The following SPARC variants were observed in gnomAD, a reference collection of about 807,000 sequenced individuals.
SPARC encodes the protein basement-membrane protein 40.
A neutral mutation model predicts 37.7 loss-of-function variants in SPARC; 23 were observed. The observed-to-expected ratio is 0.61, with a 90% CI of 0.44 to 0.87. The LOEUF (loss-of-function observed/expected upper bound fraction) is 0.87, where lower values mean the gene tolerates loss of function less well. SPARC is among the 40% of genes least tolerant of loss of function. The pLI is 0.00. For synonymous variants in SPARC, 155 were observed against 150.8 expected, an observed-to-expected ratio of 1.03 and a Z score of -0.20; for missense variants, 312 against 389.0, an observed-to-expected ratio of 0.80 and a Z score of 1.66.
chr5:151,676,136 G>A lies in SPARC; in HGVS notation c.53C>T (p.Ala18Val). 2 of 1,611,206 alleles carry A rather than the reference G, an allele frequency of 1.2e-6. No homozygotes were observed. The highest frequency in any genetic ancestry group is 8.5e-7 in the Non-Finnish European group (1 of 1,178,884). ...ACATGATATTTAGGTACTTACAGGG[G>A]CTGCCAAGGCCCTCCCGGCCAGGCA... ...LLCLAGRALA[A>V]PQQEALPDET... is the part of the protein sequence containing the mutation. The change falls in exon 2 of 10, where the codon GCC (alanine) becomes GTC (valine). Residue 18 changes from alanine to valine, a missense_variant. Ala to Val is a moderately conservative substitution (Grantham distance 64, BLOSUM62 0). Transcript: ENST00000231061.
intron 3 of SPARC, among the ~76,000 whole-genome samples, chr5:151,674,093 C>A (rs1271499429): frequency 2.0e-5 from 3 of 151,856 alleles, no homozygotes; most frequent in Admixed American, 6.6e-5. Context: ...CTAACTGCAA[C>A]CTCCACCTCC....
intron 2 of SPARC, 113 bp from the exon 3 acceptor site, chr5:151,674,787 G>A: frequency 1.0e-6 from 1 of 986,886 alleles, no homozygotes; most frequent in Non-Finnish European, 1.6e-6. Context: ...CAGCTTACTG[G>A]AGATCCCCAA....
At chr5:151,681,962 A>AG (rs1391046829) in intron 1 of SPARC, among the ~76,000 whole-genome samples, 2 of 152,222 alleles carry the variant, frequency 1.3e-5, no homozygotes, top group African/African-American at 4.8e-5. Flanking sequence ...TCCTACACAC[A>AG]GGGACATTCC....
At position 151,681,080 on chromosome 5, in the gene SPARC, T is replaced by C. The variant is rs559901885; in HGVS notation, c.-13-4879A>G. 2.3e-3 allele frequency among the ~76,000 whole-genome samples: 356 copies of C among 152,324 alleles called. 1 individual carries two copies. Among genetic ancestry groups the C allele is most frequent in the Middle Eastern group, 6.8e-3 (2 of 294 alleles). On this transcript the variant is annotated intron_variant, in intron 1 of 9. Coordinates refer to ENST00000231061, the MANE Select transcript of SPARC (RefSeq NM_003118.4). ...TACCAGCCAAGCATCTCACTCTCAC[T>C]ATTTGGCTTGGAAACAAGGGCTCCA... is the stretch of plus-strand genomic sequence containing the variant.
At position 151,663,132 on chromosome 5, in the gene SPARC, C is replaced by T; in HGVS notation, c.*439G>A. 1 of 165,098 alleles carries T rather than the reference C, an allele frequency of 6.1e-6. No individual in the cohort carries two copies. The highest frequency in any genetic ancestry group is 1.3e-5 in the Non-Finnish European group (1 of 76,360). 10.2% of individuals were successfully genotyped at this position (165,098 alleles called of 1,614,324 possible). ...ATCGTGTGTCTGTTACTTCCCTTTGCCCACCTCCAGGCCACCTGGGGAAGC... is the reference window on the plus strand; with the variant it reads ...ATCGTGTGTCTGTTACTTCCCTTTGTCCACCTCCAGGCCACCTGGGGAAGC... On this transcript the variant is annotated 3_prime_UTR_variant, in exon 10 of 10. Coordinates refer to ENST00000231061, the MANE Select transcript of SPARC (RefSeq NM_003118.4).
At chr5:151,683,592 TTATGTTTGACTGTGCA>T (rs1224831262) in intron 1 of SPARC, among the ~76,000 whole-genome samples, 5 of 152,342 alleles carry the variant, frequency 3.3e-5, no homozygotes, top group East Asian at 1.9e-4. Flanking sequence ...ATGATCCATA[TTATGTTTGACTGTGCA>T]TATGTTTGAC....
chr5:151,663,693 G>T (rs1760562968), intron 9 of SPARC, 94 bp from the exon 10 acceptor site: 2 of 1,299,348 alleles, frequency 1.5e-6, no homozygotes, highest in African/African-American at 1.5e-5. Flanking sequence ...CATCCCCAGG[G>T]GCAGGGGTCT....
intron 1 of SPARC, chr5:151,679,064 C>T (rs1476977376): frequency 6.6e-6 from 1 of 152,232 alleles, no homozygotes; most frequent in Non-Finnish European, 1.5e-5. Context: ...CCCCAGCATT[C>T]AGAACTCACA....
intron 5 of SPARC, among the ~76,000 whole-genome samples, chr5:151,670,920 T>G (rs923137060): frequency 1.3e-5 from 2 of 152,056 alleles, no homozygotes; most frequent in African/African-American, 4.8e-5. Context: ...TGGGAGGCTG[T>G]AGGAATAGTG....
chr5:151,664,379 C>T (rs1465869539), intron 8 of SPARC, 144 bp from the exon 9 acceptor site: 2 of 718,760 alleles, frequency 2.8e-6, no homozygotes, highest in East Asian at 5.4e-5. Flanking sequence ...CCCAGGTCTA[C>T]CCCTAGCTCT....
intron 2 of SPARC, among the ~76,000 whole-genome samples, chr5:151,675,631 A>G (rs73277830): frequency 1.5e-3 from 226 of 152,266 alleles, no homozygotes; most frequent in African/African-American, 5.2e-3. Context: ...GCCCTTTTCC[A>G]GTCCTCCCCA....
intron 4 of SPARC, among the ~76,000 whole-genome samples, chr5:151,672,060 A>C (rs1284081365): frequency 6.6e-6 from 1 of 152,210 alleles, no homozygotes; most frequent in Non-Finnish European, 1.5e-5. Context: ...TTCCAGAATA[A>C]GCTTTCTAGA....
At chr5:151,680,824 G>A (rs944659945) in intron 1 of SPARC, among the ~76,000 whole-genome samples, 1 of 152,198 alleles carries the variant, frequency 6.6e-6, no homozygotes, top group African/African-American at 2.4e-5. Context: ...AAATAAAGAG[G>A]TAAGCAATGT....
intron 3 of SPARC, among the ~76,000 whole-genome samples, chr5:151,673,966 CTGTGTGTGTGTGTGTGTGTGTGTGTG>C (rs3138755): frequency 7.1e-6 from 1 of 141,756 alleles, no homozygotes; most frequent in African/African-American, 2.6e-5. Context: ...CCCCTTTCCT[CTGTGTGTGTGTGTGTGTGTGTGTGTG>C]TGTGTGTGTG....
At chr5:151,679,691 C>G (rs1459949094) in intron 1 of SPARC, 1 of 152,324 alleles carries the variant, frequency 6.6e-6, no homozygotes, top group Non-Finnish European at 1.5e-5. Context: ...CCAGCAGGAC[C>G]TGAAGCTGAG....
intron 8 of SPARC, 141 bp from the exon 9 acceptor site, chr5:151,664,376 C>G (rs1561915633): frequency 2.8e-6 from 2 of 726,808 alleles, no homozygotes; most frequent in Non-Finnish European, 4.6e-6. Context: ...AATCCCAGGT[C>G]TACCCCTAGC....
chr5:151,667,432 A>T (rs1760648584), intron 7 of SPARC, 35 bp downstream of exon 7: 10 of 1,613,670 alleles, frequency 6.2e-6, no homozygotes, highest in Non-Finnish European at 5.9e-6. Context: ...GATCTTCACC[A>T]GCACGGGGCC....
In SPARC at chr5:151,667,483, T is replaced by C; in HGVS notation, c.569A>G (p.Glu190Gly). 1 of 1,614,186 alleles carries C rather than the reference T, an allele frequency of 6.2e-7. No individual in the cohort carries two copies. Among genetic ancestry groups the C allele is most frequent in the South Asian group, 1.1e-5 (1 of 91,086 alleles). The change falls in exon 7 of 10, where the codon GAG becomes GGG. Residue 190 changes from glutamate (E) to glycine (G), a missense_variant. Physicochemically the swap from Glu to Gly is moderately conservative, Grantham distance 98 (BLOSUM62 -2). Transcript: ENST00000231061. Reference sequence around the variant, plus strand: ...ACCACTTACCCGCAGCTTCTGCTTCTCAGTCAGAAGGTTGTTGTCCTCATC... The same window carrying C: ...ACCACTTACCCGCAGCTTCTGCTTCCCAGTCAGAAGGTTGTTGTCCTCATC... ...ERDEDNNLLT[E>G]KQKLRVKKIH...
intron 3 of SPARC, 99 bp downstream of exon 3, chr5:151,674,513 C>T (rs967714911): frequency 2.8e-6 from 3 of 1,069,016 alleles, no homozygotes; most frequent in Non-Finnish European, 4.3e-6. Flanking sequence ...GAGACGAATG[C>T]CCCACTCTAG....
Sources: gnomAD v4.1 joint callset for allele counts (sites outside exome capture counted in the v4.1 genomes callset) on GRCh38, gnomAD v4.1.1 for gene constraint, MANE v1.5 for transcripts, NCBI Gene and HGNC (gene_info 2026-07-23, HGNC 2026-07-21) for gene names.